Variants in DLG2 observed in about 807,000 individuals in gnomAD.
DLG2 encodes the protein disks large homolog 2.
Under a neutral mutation model 132.5 loss-of-function variants are expected in DLG2, and 45 were observed. That is an observed-to-expected ratio of 0.34 (90% CI 0.27 to 0.44). DLG2 has a LOEUF of 0.44. Among genes scored for constraint, DLG2 ranks in the 20% least tolerant of loss-of-function variants. DLG2 has a pLI of 1.00. For synonymous variants in DLG2, 424 were observed against 419.6 expected, an observed-to-expected ratio of 1.01 and a Z score of -0.13; for missense variants, 1,045 against 1,196.9, an observed-to-expected ratio of 0.87 and a Z score of 1.87.
chr11:83,852,308 C>T (rs2059917694), intron 16 of DLG2, among the ~76,000 whole-genome samples: 2 of 152,326 alleles, frequency 1.3e-5, no homozygotes, highest in South Asian at 4.1e-4. Context: ...GAGGCTGACT[C>T]AATCCCTATG....
intron 15 of DLG2, among the ~76,000 whole-genome samples, chr11:83,929,192 G>A (rs2079644720): frequency 6.6e-6 from 1 of 152,166 alleles, no homozygotes; most frequent in East Asian, 1.9e-4. Context: ...AGAGAGAACA[G>A]TAATTGACTT....
chr11:84,450,301 A>T (rs1369162914), intron 7 of DLG2, among the ~76,000 whole-genome samples: 2 of 151,900 alleles, frequency 1.3e-5, no homozygotes, highest in African/African-American at 4.8e-5. Context: ...AGCAAGTTCT[A>T]TGAGTTCAGA....
intron 7 of DLG2, among the ~76,000 whole-genome samples, chr11:84,324,210 T>C (rs1247869911): frequency 1.3e-5 from 2 of 152,124 alleles, no homozygotes; most frequent in Non-Finnish European, 2.9e-5. Flanking sequence ...CTTCAGGTCT[T>C]TAGTTTATTT....
rs569696661 is a variant in DLG2, at chr11:85,617,543, G to A, written c.-93+9044C>T. On this transcript the variant is annotated intron_variant, in intron 2 of 27. Coordinates refer to ENST00000376104, the MANE Select transcript of DLG2 (RefSeq NM_001142699.3). ...GAATATCATTTGCTACTTCAAACAT[G>A]CATCTGGCACTATGCCTGGCACATA... is the stretch of plus-strand genomic sequence containing the variant. Among the ~76,000 whole-genome samples the A allele has an allele frequency of 9.2e-5, 14 of 152,306 alleles. No individual in the cohort carries two copies. In the South Asian group the frequency reaches 2.5e-3, roughly 27 times the overall value.
chr11:84,426,557 A>G (rs2098967240), intron 7 of DLG2, among the ~76,000 whole-genome samples: 1 of 152,176 alleles, frequency 6.6e-6, no homozygotes, highest in Non-Finnish European at 1.5e-5. Flanking sequence ...ATTAGAACAC[A>G]TAAAATCATA....
At chr11:85,517,944 C>A (rs2094201663) in intron 3 of DLG2, among the ~76,000 whole-genome samples, 1 of 152,172 alleles carries the variant, frequency 6.6e-6, no homozygotes, top group Non-Finnish European at 1.5e-5. Context: ...TGCACAAGTT[C>A]TTTTCCCTTT....
At chr11:84,902,190 G>C (rs1168820501) in intron 6 of DLG2, among the ~76,000 whole-genome samples, 1 of 152,110 alleles carries the variant, frequency 6.6e-6, no homozygotes, top group Non-Finnish European at 1.5e-5. Flanking sequence ...AGATGACTCA[G>C]TGGCAACATA....
intron 6 of DLG2, among the ~76,000 whole-genome samples, chr11:84,591,155 G>A (rs1315013541): frequency 6.6e-6 from 1 of 150,730 alleles, no homozygotes; most frequent in Non-Finnish European, 1.5e-5. Context: ...ACTCCATGCT[G>A]TTGTCATGTT....
chr11:84,858,075 T>C (rs1253761047), intron 6 of DLG2, among the ~76,000 whole-genome samples: 1 of 152,024 alleles, frequency 6.6e-6, no homozygotes, highest in Admixed American at 6.6e-5. Context: ...GTATTTTTTG[T>C]AGAGATAAGG....
intron 8 of DLG2, among the ~76,000 whole-genome samples, chr11:84,247,536 T>A (rs1204733965): frequency 6.6e-6 from 1 of 152,148 alleles, no homozygotes; most frequent in Non-Finnish European, 1.5e-5. Context: ...CTGCTTTGCA[T>A]GAGAAGCTAG....
intron 7 of DLG2, among the ~76,000 whole-genome samples, chr11:84,296,598 C>A (rs930629942): frequency 6.6e-6 from 1 of 152,050 alleles, no homozygotes; most frequent in Non-Finnish European, 1.5e-5. Flanking sequence ...ACCACCATGC[C>A]TGGCTATGTT....
intron 16 of DLG2, among the ~76,000 whole-genome samples, chr11:83,872,559 AC>A (rs1250093349): frequency 5.3e-5 from 8 of 152,298 alleles, no homozygotes; most frequent in African/African-American, 1.9e-4. Context: ...TTAGGGTAAC[AC>A]CTTTACATTT....
intron 3 of DLG2, among the ~76,000 whole-genome samples, chr11:85,457,184 C>CTTTTTTTT (rs35970313): frequency 1.5e-5 from 2 of 132,580 alleles, no homozygotes; most frequent in South Asian, 2.3e-4. Flanking sequence ...CCTTCTTTGT[C>CTTTTTTTT]TTTTTTTTTT....
intron 6 of DLG2, among the ~76,000 whole-genome samples, chr11:84,701,081 A>G (rs1315836776): frequency 6.6e-6 from 1 of 151,612 alleles, no homozygotes; most frequent in African/African-American, 2.4e-5. Context: ...AGCCACTCCA[A>G]TGAGACCATC....
intron 7 of DLG2, among the ~76,000 whole-genome samples, chr11:84,260,682 C>T (rs960168156): frequency 1.3e-5 from 2 of 152,172 alleles, no homozygotes; most frequent in South Asian, 2.1e-4. Flanking sequence ...GGAACTTTCT[C>T]TTGTCTATAG....
chr11:85,498,308 G>A (rs547115678), intron 3 of DLG2, among the ~76,000 whole-genome samples: 6 of 151,910 alleles, frequency 3.9e-5, no homozygotes, highest in East Asian at 1.9e-4. Context: ...GACTTTAAAC[G>A]AACAAAGATC....
chr11:84,560,343 C>T (rs989820653), intron 6 of DLG2, among the ~76,000 whole-genome samples: 2 of 152,008 alleles, frequency 1.3e-5, no homozygotes, highest in Admixed American at 1.3e-4. Context: ...TAACTCAGTC[C>T]CCATTAGGAG....
chr11:84,571,823 G>C (rs1185259677), intron 6 of DLG2, among the ~76,000 whole-genome samples: 1 of 152,116 alleles, frequency 6.6e-6, no homozygotes, highest in East Asian at 1.9e-4. Flanking sequence ...AAGCATGAAA[G>C]ACATGGCAAA....
intron 6 of DLG2, chr11:84,545,140 TTGCCAC>T: frequency 1.3e-5 from 6 of 448,216 alleles, no homozygotes; most frequent in South Asian, 9.9e-5. Flanking sequence ...ATTAGAATTT[TTGCCAC>T]TGCCATGGCT....
Sources: allele counts gnomAD v4.1 joint callset (sites outside exome capture counted in the v4.1 genomes callset), GRCh38; gene constraint gnomAD v4.1.1; transcripts MANE v1.5; gene names NCBI Gene and HGNC (gene_info 2026-07-23, HGNC 2026-07-21).